The following BRD10 variants were observed in gnomAD, a reference collection of about 807,000 sequenced individuals.
BRD10 encodes the protein bromodomain containing 10.
chr9:5,998,895 C>T, the BRD10 span, among the ~76,000 whole-genome samples: 1 of 151,992 alleles, frequency 6.6e-6, no homozygotes, highest in African/African-American at 2.4e-5. Flanking sequence ...GGTTCTCATA[C>T]TTGTCAGTAG....
the BRD10 span, chr9:5,921,619 T>G: frequency 6.2e-7 from 1 of 1,614,034 alleles, no homozygotes; most frequent in Non-Finnish European, 8.5e-7. Context: ...CTCCATTTGT[T>G]GCTGCTGTTG....
the BRD10 span, among the ~76,000 whole-genome samples, chr9:5,959,499 C>G: frequency 7.2e-5 from 11 of 152,060 alleles, no homozygotes; most frequent in Admixed American, 7.2e-4. Flanking sequence ...GCCTGGCATA[C>G]AATAAGCACT....
the BRD10 span, chr9:5,898,016 C>T: frequency 4.8e-6 from 1 of 209,574 alleles, no homozygotes; most frequent in Non-Finnish European, 9.9e-6. Flanking sequence ...TGGAAGGCAT[C>T]ACATGGGCAA....
chr9:6,002,244 T>A, the BRD10 span, among the ~76,000 whole-genome samples: 1 of 152,244 alleles, frequency 6.6e-6, no homozygotes, highest in African/African-American at 2.4e-5. Flanking sequence ...GTCTTGTTAA[T>A]TGAACTCTTT....
At chr9:5,932,260 G>A in the BRD10 span, among the ~76,000 whole-genome samples, 12 of 151,298 alleles carry the variant, frequency 7.9e-5, no homozygotes, top group Admixed American at 3.3e-4. Context: ...CACGGACAAG[G>A]GAAAAACAAA....
the BRD10 span, among the ~76,000 whole-genome samples, chr9:6,004,676 T>C: frequency 2.0e-5 from 3 of 152,208 alleles, no homozygotes. Flanking sequence ...TAAAATACCA[T>C]ATACCACTTT....
the BRD10 span, among the ~76,000 whole-genome samples, chr9:5,948,126 A>C: frequency 4.6e-5 from 7 of 152,174 alleles, no homozygotes; most frequent in Non-Finnish European, 8.8e-5. Flanking sequence ...CAGAGCTACA[A>C]AATCACAGAT....
the BRD10 span, among the ~76,000 whole-genome samples, chr9:5,906,186 T>TAA: frequency 3.0e-3 from 416 of 140,528 alleles, 2 homozygotes; most frequent in African/African-American, 7.9e-3. Context: ...TCATGTCTCT[T>TAA]AAAAAAAAAA....
the BRD10 span, among the ~76,000 whole-genome samples, chr9:5,928,769 T>C: frequency 2.0e-5 from 3 of 152,164 alleles, no homozygotes. Context: ...CTTAACCCCC[T>C]TACCTTGCTT....
chr9:5,990,424 A>G, the BRD10 span, among the ~76,000 whole-genome samples: 1 of 152,224 alleles, frequency 6.6e-6, no homozygotes, highest in Admixed American at 6.5e-5. Context: ...TTCAGTAAGT[A>G]CACAGAACAC....
chr9:5,881,480 C>T, the BRD10 span: 3 of 152,200 alleles, frequency 2.0e-5, no homozygotes, highest in African/African-American at 7.2e-5. Flanking sequence ...TTCTTTGATG[C>T]TAAGCAGGGA....
the BRD10 span, chr9:5,988,474 G>A: frequency 1.2e-6 from 2 of 1,613,702 alleles, no homozygotes; most frequent in South Asian, 1.1e-5. Flanking sequence ...GGTACATGCA[G>A]TTCCCTTCTC....
the BRD10 span, among the ~76,000 whole-genome samples, chr9:5,940,620 C>G: frequency 1.3e-5 from 2 of 152,196 alleles, no homozygotes; most frequent in African/African-American, 4.8e-5. Flanking sequence ...TACTGCTGGA[C>G]ATATGGATTT....
At chr9:5,940,434 C>T in the BRD10 span, among the ~76,000 whole-genome samples, 7 of 152,072 alleles carry the variant, frequency 4.6e-5, no homozygotes, top group African/African-American at 1.7e-4. Context: ...ACCTTGTGAT[C>T]CGCCCACCTT....
chr9:6,000,171 A>T, the BRD10 span, among the ~76,000 whole-genome samples: 1 of 152,248 alleles, frequency 6.6e-6, no homozygotes, highest in East Asian at 1.9e-4. Flanking sequence ...ATCTTTTTTC[A>T]AAGTGTACAT....
At chr9:5,923,246 A>G in the BRD10 span, 2 of 1,613,762 alleles carry the variant, frequency 1.2e-6, no homozygotes, top group Non-Finnish European at 8.5e-7. Flanking sequence ...TTTTGAAGGC[A>G]ATTCCTTTTT....
chr9:5,895,503 G>C, the BRD10 span, among the ~76,000 whole-genome samples: 2 of 152,090 alleles, frequency 1.3e-5, no homozygotes, highest in Admixed American at 6.5e-5. Flanking sequence ...TGTGCCAGCA[G>C]GTGGAATGAA....
the BRD10 span, among the ~76,000 whole-genome samples, chr9:6,006,315 CTCAA>C: frequency 6.6e-6 from 1 of 152,164 alleles, no homozygotes; most frequent in Non-Finnish European, 1.5e-5. Context: ...AAGTGACTTG[CTCAA>C]CTTAAATTCA....
the BRD10 span, among the ~76,000 whole-genome samples, chr9:5,949,895 C>G: frequency 6.6e-6 from 1 of 152,178 alleles, no homozygotes; most frequent in East Asian, 1.9e-4. Context: ...GTCTAATAGT[C>G]TTTCTTTGAT....
Sources: gnomAD v4.1 joint callset for allele counts (sites outside exome capture counted in the v4.1 genomes callset) on GRCh38, gnomAD v4.1.1 for gene constraint, MANE v1.5 for transcripts, NCBI Gene and HGNC (gene_info 2026-07-23, HGNC 2026-07-21) for gene names.